Variants in RAB11FIP4 observed in about 807,000 individuals in gnomAD.
RAB11FIP4 encodes the protein rab11 family-interacting protein 4.
RAB11FIP4 carries 23 observed loss-of-function variants against 74.3 expected under a neutral mutation model. That is an observed-to-expected ratio of 0.31 (90% CI 0.22 to 0.44). The LOEUF (loss-of-function observed/expected upper bound fraction) is 0.44, where lower values mean the gene tolerates loss of function less well. Among genes scored for constraint, RAB11FIP4 ranks in the 20% least tolerant of loss-of-function variants. The pLI, the probability that RAB11FIP4 is intolerant of heterozygous loss-of-function variation, is 1.00. For synonymous variants in RAB11FIP4, 360 were observed against 359.9 expected (o/e 1.00, Z 0.00); for missense variants, 630 against 863.9 (o/e 0.73, Z 3.39).
intron 3 of RAB11FIP4, among the ~76,000 whole-genome samples, chr17:31,505,581 A>T (rs1309385436): frequency 2.7e-5 from 2 of 72,772 alleles, no homozygotes; most frequent in East Asian, 6.0e-4. Context: ...AATAATATAT[A>T]ATAATAATTA....
At chr17:31,503,170 C>G (rs2072253675) in intron 3 of RAB11FIP4, among the ~76,000 whole-genome samples, 1 of 151,908 alleles carries the variant, frequency 6.6e-6, no homozygotes. Context: ...GTAGCTGGGA[C>G]TACAGGCATG....
At chr17:31,402,240 C>T (rs1638802298) in intron 1 of RAB11FIP4, among the ~76,000 whole-genome samples, 1 of 150,842 alleles carries the variant, frequency 6.6e-6, no homozygotes, top group African/African-American at 2.4e-5. Flanking sequence ...CACCCACCAT[C>T]TACCACTTCC....
chr17:31,528,317 G>C, intron 11 of RAB11FIP4, 89 bp from the exon 12 acceptor site: 1 of 1,459,316 alleles, frequency 6.9e-7, no homozygotes, highest in Non-Finnish European at 9.2e-7. Flanking sequence ...GCCTCGTGAA[G>C]ATGGCTGACC....
intron 1 of RAB11FIP4, among the ~76,000 whole-genome samples, chr17:31,418,758 G>A (rs749001023): frequency 7.2e-5 from 11 of 151,952 alleles, no homozygotes; most frequent in East Asian, 3.9e-4. Flanking sequence ...GTGAGCTACC[G>A]TGCCCAGCCA....
chr17:31,501,774 C>A, intron 3 of RAB11FIP4: 1 of 198,344 alleles, frequency 5.0e-6, no homozygotes, highest in Non-Finnish European at 1.1e-5. Context: ...CCTCGGCCTC[C>A]CAAAGTGCTG....
chr17:31,449,068 G>A (rs2071498528), intron 3 of RAB11FIP4, among the ~76,000 whole-genome samples: 1 of 152,004 alleles, frequency 6.6e-6, no homozygotes, highest in Non-Finnish European at 1.5e-5. Flanking sequence ...AACCCTCAGG[G>A]GAATCATTCA....
chr17:31,531,993 G>A lies in RAB11FIP4; in HGVS notation c.*261G>A. The A allele has an allele frequency of 2.4e-6, 1 of 416,314 alleles. No individual in the cohort carries two copies. Among genetic ancestry groups the A allele is most frequent in the Non-Finnish European group, 4.3e-6 (1 of 230,406 alleles). The allele number at this position is 416,314 out of a possible 1,614,324, so 25.8% of individuals were successfully genotyped here. A position where few individuals can be genotyped will look rare whatever the true frequency, so the allele number is the denominator to read the frequency against. On this transcript the variant is annotated 3_prime_UTR_variant, in exon 15 of 15. Transcript: ENST00000621161. ...GCAAGGGGCAGAGGGTACTGGAAGT[G>A]GGAGGAGGCAAGGTCTGCTATCAGG... is the stretch of plus-strand genomic sequence containing the variant.
At chr17:31,422,790 T>C (rs2151624328) in intron 1 of RAB11FIP4, among the ~76,000 whole-genome samples, 1 of 152,322 alleles carries the variant, frequency 6.6e-6, no homozygotes, top group East Asian at 1.9e-4. Flanking sequence ...TTTCGAAATT[T>C]CCATTTATTT....
intron 3 of RAB11FIP4, among the ~76,000 whole-genome samples, chr17:31,497,044 G>A (rs1374188361): frequency 8.5e-5 from 13 of 152,188 alleles, no homozygotes; most frequent in East Asian, 1.9e-4. Context: ...TAGCAGATGC[G>A]TGCTTTCCTT....
intron 3 of RAB11FIP4, among the ~76,000 whole-genome samples, chr17:31,469,320 G>A (rs1396853308): frequency 1.3e-5 from 2 of 152,136 alleles, no homozygotes; most frequent in Non-Finnish European, 2.9e-5. Flanking sequence ...AATGGAATGA[G>A]GACAGGTGCT....
chr17:31,488,392 C>A, intron 3 of RAB11FIP4: 1 of 1,034,042 alleles, frequency 9.7e-7, no homozygotes. Context: ...GTCGTGTTAC[C>A]TGAGCCATCT....
At chr17:31,521,726 T>A (rs1427705841) in intron 5 of RAB11FIP4, 189 bp from the exon 6 acceptor site, 9 of 661,400 alleles carry the variant, frequency 1.4e-5, no homozygotes, top group Non-Finnish European at 2.3e-5. Flanking sequence ...TAAATGGGTA[T>A]GCCTCACTGG....
intron 3 of RAB11FIP4, among the ~76,000 whole-genome samples, chr17:31,501,456 G>A (rs1411991727): frequency 6.6e-6 from 1 of 152,112 alleles, no homozygotes; most frequent in African/African-American, 2.4e-5. Flanking sequence ...CTAACACAGA[G>A]CTTGTTTTAC....
rs1331950837 is a variant in RAB11FIP4, at chr17:31,536,668, A to G, written c.*4936A>G. On this transcript the variant is annotated 3_prime_UTR_variant, in exon 15 of 15. Transcript: ENST00000621161. ...GTGGATGACTTTGAGCGCTGATCCT[A>G]GGGACCTGCCAGGTCCTCACTTCCT... 8.0e-6 allele frequency: 2 copies of G among 250,926 alleles called. No individual in the cohort carries two copies. Among genetic ancestry groups the G allele is most frequent in the Non-Finnish European group, 1.5e-5 (2 of 132,476 alleles). 15.5% of individuals were successfully genotyped at this position (250,926 alleles called of 1,614,324 possible).
chr17:31,400,368 T>G (rs1297681906), intron 1 of RAB11FIP4, among the ~76,000 whole-genome samples: 1 of 152,200 alleles, frequency 6.6e-6, no homozygotes, highest in African/African-American at 2.4e-5. Flanking sequence ...GCCCAGGGGC[T>G]TAGAGGCACA....
At chr17:31,399,455 G>C (rs1032932553) in intron 1 of RAB11FIP4, among the ~76,000 whole-genome samples, 4 of 152,208 alleles carry the variant, frequency 2.6e-5, no homozygotes, top group African/African-American at 9.7e-5. Context: ...GCTCAACCCT[G>C]TCATCCCAGC....
intron 3 of RAB11FIP4, among the ~76,000 whole-genome samples, chr17:31,513,117 G>A (rs1411748601): frequency 1.3e-5 from 2 of 152,072 alleles, no homozygotes; most frequent in Admixed American, 1.3e-4. Flanking sequence ...TGGGGTGATG[G>A]TATCCTCTCC....
chr17:31,508,237 G>A (rs1177846611), intron 3 of RAB11FIP4, among the ~76,000 whole-genome samples: 2 of 152,166 alleles, frequency 1.3e-5, no homozygotes, highest in Non-Finnish European at 2.9e-5. Context: ...TCAGCTGTTC[G>A]GGATGTTTCC....
intron 1 of RAB11FIP4, among the ~76,000 whole-genome samples, chr17:31,394,943 G>C (rs921862975): frequency 3.6e-5 from 5 of 139,274 alleles, no homozygotes; most frequent in South Asian, 2.7e-4. Context: ...GGGGGCGGGG[G>C]GGGGGGGCTC....
Sources: gnomAD v4.1 joint callset for allele counts (sites outside exome capture counted in the v4.1 genomes callset) on GRCh38, gnomAD v4.1.1 for gene constraint, MANE v1.5 for transcripts, NCBI Gene and HGNC (gene_info 2026-07-23, HGNC 2026-07-21) for gene names.